The following HMGCLL1 variants were observed in gnomAD, a reference collection of about 807,000 sequenced individuals.
HMGCLL1 encodes the protein 3-hydroxy-3-methylglutaryl-CoA lyase like 1, also known as 3-hydroxymethyl-3-methylglutaryl-CoA lyase, cytoplasmic.
Under a neutral mutation model 39.1 loss-of-function variants are expected in HMGCLL1, and 36 were observed. That is an observed-to-expected ratio of 0.92 (90% CI 0.71 to 1.22). HMGCLL1 has a LOEUF of 1.22. HMGCLL1 is among the 50% of genes most tolerant of loss of function. The probability of loss-of-function intolerance (pLI) is 0.00; values close to 1 mark genes in which losing one functional copy is unlikely to be tolerated. For missense variants in HMGCLL1, 451 were observed against 416.5 expected, an observed-to-expected ratio of 1.08 and a Z score of -0.72; for synonymous variants, 149 against 144.0, an observed-to-expected ratio of 1.03 and a Z score of -0.25.
chr6:55,675,207 C>T, the HMGCLL1 span, among the ~76,000 whole-genome samples: 1 of 152,002 alleles, frequency 6.6e-6, no homozygotes, highest in African/African-American at 2.4e-5. Context: ...ATCCTATTCA[C>T]CAGAAGTTTC....
At chr6:55,562,454 G>C (rs9357868) in intron 1 of HMGCLL1, among the ~76,000 whole-genome samples, 1 of 151,842 alleles carries the variant, frequency 6.6e-6, no homozygotes, top group Non-Finnish European at 1.5e-5. Flanking sequence ...TGAGTACTTC[G>C]AAAAAAATGA....
intron 7 of HMGCLL1, among the ~76,000 whole-genome samples, chr6:55,494,359 G>T (rs2127422792): frequency 6.6e-6 from 1 of 152,226 alleles, no homozygotes; most frequent in Admixed American, 6.5e-5. Context: ...ACTTCCAGTT[G>T]CAGCTGAACA....
rs776696732 is a variant in HMGCLL1 at position 55,499,317 on chromosome 6, C to A, written c.543-18G>T. 1 of 1,572,652 alleles carries A rather than the reference C, an allele frequency of 6.4e-7. No individual in the cohort carries two copies. Among genetic ancestry groups the A allele is most frequent in the Non-Finnish European group, 8.6e-7 (1 of 1,157,516 alleles). ...ACACATACCTAAATTAAAAATACAG[C>A]CTTATAAATATGCATATGGTAAATA... On this transcript the variant is annotated intron_variant, in intron 5 of 8. Coordinates refer to ENST00000274901, the MANE Select transcript of HMGCLL1 (RefSeq NM_001042406.2).
At chr6:55,539,944 GGAAGGAAGGAAGGA>G (rs1769276402) in intron 3 of HMGCLL1, among the ~76,000 whole-genome samples, 1 of 27,420 alleles carries the variant, frequency 3.6e-5, no homozygotes, top group Non-Finnish European at 6.9e-5. Flanking sequence ...AGGAGGAGAA[GGAAGGAAGGAAGGA>G]AGGAAGGAAG....
At chr6:55,535,304 T>G (rs1768949918) in intron 3 of HMGCLL1, among the ~76,000 whole-genome samples, 1 of 152,218 alleles carries the variant, frequency 6.6e-6, no homozygotes, top group Non-Finnish European at 1.5e-5. Context: ...AACACTAGTG[T>G]GCATACCTGC....
Position 55,555,417 on chromosome 6 carries a change from T to C in HMGCLL1, c.109-13277A>G, listed in dbSNP as rs185829161. Among the ~76,000 whole-genome samples the C allele has an allele frequency of 5.1e-3, 784 of 152,348 alleles. 11 individuals carry two copies. Among genetic ancestry groups the C allele is most frequent in the African/African-American group, 0.018 (742 of 41,588 alleles). ...CTCCCCTTACTCTTTATTATGCTTC[T>C]AGCACTCATCATCAGCATGTTATAT... On this transcript the variant is annotated intron_variant, in intron 1 of 8. Coordinates refer to ENST00000274901, the MANE Select transcript of HMGCLL1 (RefSeq NM_001042406.2).
upstream of HMGCLL1, among the ~76,000 whole-genome samples, chr6:55,584,019 A>G (rs1411757502): frequency 6.6e-6 from 1 of 152,088 alleles, no homozygotes; most frequent in African/African-American, 2.4e-5. Context: ...CCAGTTAACT[A>G]CCATACTTAC....
At chr6:55,602,786 A>G in the HMGCLL1 span, among the ~76,000 whole-genome samples, 2 of 152,062 alleles carry the variant, frequency 1.3e-5, no homozygotes, top group Non-Finnish European at 2.9e-5. Context: ...TGCATCAGCT[A>G]ATGTCTAAAC....
At chr6:55,447,653 C>T (rs114770239) in intron 7 of HMGCLL1, among the ~76,000 whole-genome samples, 16 of 151,990 alleles carry the variant, frequency 1.1e-4, no homozygotes, top group African/African-American at 3.6e-4. Context: ...TATTAGCAAA[C>T]ATTTGCTGAA....
chr6:55,628,643 A>T, the HMGCLL1 span, among the ~76,000 whole-genome samples: 1 of 152,074 alleles, frequency 6.6e-6, no homozygotes, highest in East Asian at 1.9e-4. Flanking sequence ...GATGTATTGG[A>T]GCCTGATATC....
At chr6:55,523,604 A>G (rs1210150036) in intron 3 of HMGCLL1, among the ~76,000 whole-genome samples, 1 of 151,950 alleles carries the variant, frequency 6.6e-6, no homozygotes, top group East Asian at 1.9e-4. Flanking sequence ...GCACTCTTTC[A>G]GAATGTTGGT....
chr6:55,645,265 C>A, the HMGCLL1 span, among the ~76,000 whole-genome samples: 2 of 151,822 alleles, frequency 1.3e-5, no homozygotes, highest in Non-Finnish European at 2.9e-5. Context: ...TGAAACTTTA[C>A]TGAATTTGTT....
At chr6:55,661,929 C>T in the HMGCLL1 span, among the ~76,000 whole-genome samples, 2 of 151,840 alleles carry the variant, frequency 1.3e-5, no homozygotes, top group African/African-American at 4.8e-5. Flanking sequence ...AGCTCTTTCA[C>T]CTCCCTGATT....
chr6:55,515,086 C>T (rs540078953), intron 4 of HMGCLL1, among the ~76,000 whole-genome samples: 1 of 152,070 alleles, frequency 6.6e-6, no homozygotes, highest in East Asian at 1.9e-4. Flanking sequence ...AACCCCGTCT[C>T]TACTAAAAAT....
intron 3 of HMGCLL1, among the ~76,000 whole-genome samples, chr6:55,539,478 C>T (rs1442042797): frequency 6.6e-6 from 1 of 152,036 alleles, no homozygotes; most frequent in East Asian, 1.9e-4. Context: ...AGATAATGTA[C>T]TCCTGTATAC....
chr6:55,448,684 A>C (rs966702575), intron 7 of HMGCLL1, among the ~76,000 whole-genome samples: 2 of 152,124 alleles, frequency 1.3e-5, no homozygotes, highest in Non-Finnish European at 2.9e-5. Context: ...TTGATTGGAT[A>C]ATGCTCCTAT....
At chr6:55,564,725 G>C (rs2127472527) in intron 1 of HMGCLL1, among the ~76,000 whole-genome samples, 1 of 151,786 alleles carries the variant, frequency 6.6e-6, no homozygotes, top group Admixed American at 6.6e-5. Context: ...TTGATTTTGA[G>C]CTACTTTCTA....
At chr6:55,663,476 C>T in the HMGCLL1 span, among the ~76,000 whole-genome samples, 3 of 151,814 alleles carry the variant, frequency 2.0e-5, no homozygotes, top group Non-Finnish European at 4.4e-5. Context: ...TGTTTAATTT[C>T]CATGTAATTG....
At chr6:55,578,302 A>T (rs1186375431) in intron 1 of HMGCLL1, among the ~76,000 whole-genome samples, 1 of 152,154 alleles carries the variant, frequency 6.6e-6, no homozygotes. Flanking sequence ...TTCTTTATTT[A>T]TCTGACACTG....
Sources: gnomAD v4.1 joint callset for allele counts (sites outside exome capture counted in the v4.1 genomes callset) on GRCh38, gnomAD v4.1.1 for gene constraint, MANE v1.5 for transcripts, NCBI Gene and HGNC (gene_info 2026-07-23, HGNC 2026-07-21) for gene names.